ACSS1: variants seen among roughly 807,000 people sequenced by gnomAD.
ACSS1 encodes acyl-CoA synthetase short chain family member 1.
In ACSS1, 42 loss-of-function variants were observed where a neutral mutation model predicts 75.3. The observed-to-expected ratio is 0.56, with a 90% CI of 0.44 to 0.72. ACSS1 has a LOEUF of 0.72. Ranked by LOEUF, ACSS1 falls within the 30% of genes least tolerant of loss-of-function variation. The probability of loss-of-function intolerance (pLI) is 0.00; values close to 1 mark genes in which losing one functional copy is unlikely to be tolerated. For synonymous variants in ACSS1, 380 were observed against 376.8 expected (o/e 1.01, Z -0.10); for missense variants, 782 against 935.7 (o/e 0.84, Z 2.14).
At position 25,058,105 on chromosome 20, in the gene ACSS1, A is replaced by C. The variant is rs1295350648; in HGVS notation, c.-3T>G. The C allele has an allele frequency of 8.0e-7, 1 of 1,246,072 alleles. No individual in the cohort carries two copies. Among genetic ancestry groups the C allele is most frequent in the African/African-American group, 1.6e-5 (1 of 63,848 alleles). 77.2% of individuals were successfully genotyped at this position (1,246,072 alleles called of 1,614,324 possible). On this transcript the variant is annotated 5_prime_UTR_variant, in exon 1 of 14. Coordinates refer to ENST00000323482, the MANE Select transcript of ACSS1 (RefSeq NM_032501.4). ...CGGCCCAGGGTGCGCGCCGCCATCTAGGCAGGCTACCTGAGCTCTCTGTGC... is the reference window on the plus strand; with the variant it reads ...CGGCCCAGGGTGCGCGCCGCCATCTCGGCAGGCTACCTGAGCTCTCTGTGC...
chr20:25,012,372 T>A (rs2088424959), intron 12 of ACSS1: 1 of 582,052 alleles, frequency 1.7e-6, no homozygotes, highest in Non-Finnish European at 3.0e-6. Flanking sequence ...CCACTGTGGA[T>A]GTGTGTCCTG....
intron 1 of ACSS1, 109 bp from the exon 2 acceptor site, chr20:25,048,290 C>A: frequency 1.2e-6 from 1 of 833,508 alleles, no homozygotes; most frequent in South Asian, 1.6e-5. Context: ...CTCTCTTCTT[C>A]CACTGACAGA....
At chr20:25,010,461 C>A (rs542468059) in intron 12 of ACSS1, 1 of 152,416 alleles carries the variant, frequency 6.6e-6, no homozygotes, top group South Asian at 2.1e-4. Flanking sequence ...AAGCTATGAT[C>A]TGTAAAGACC....
rs1270157476 is a variant in ACSS1 at position 25,013,943 on chromosome 20, G to A, written c.1452+18C>T. ...AGGGCAAGCACATGACCCCCATGTG[G>A]GGGAGGCCCATACACACCTTCTCAT... On this transcript the variant is annotated intron_variant, in intron 9 of 13. Transcript: ENST00000323482. 5 of 1,606,410 alleles carry A rather than the reference G, an allele frequency of 3.1e-6. No individual in the cohort carries two copies. The African/African-American group carries it at 4.0e-5, about 13-fold the overall frequency.
rs186938653 is a variant in ACSS1, at chr20:25,019,346, T to A, written c.1246+664A>T. ...CCATCACATTTCCAAAATGTTTCCA[T>A]GTGATTTGGCAATATCCATCAACAT... On this transcript the variant is annotated intron_variant, in intron 7 of 13. Coordinates refer to ENST00000323482, the MANE Select transcript of ACSS1 (RefSeq NM_032501.4). 5.3e-5 allele frequency among the ~76,000 whole-genome samples: 8 copies of A among 152,334 alleles called. No individual in the cohort carries two copies. The East Asian group carries it at 7.7e-4, about 15-fold the overall frequency.
rs1284757958 is a variant in ACSS1, at chr20:25,007,433, G to A, written c.*329C>T. 6.8e-6 allele frequency: 8 copies of A among 1,170,800 alleles called. No individual in the cohort carries two copies. The highest frequency in any genetic ancestry group is 8.5e-6 in the Non-Finnish European group (8 of 944,848). 72.5% of individuals were successfully genotyped at this position (1,170,800 alleles called of 1,614,324 possible). A position where few individuals can be genotyped will look rare whatever the true frequency, so the allele number is the denominator to read the frequency against. ...AGCTCTGTGTTATCTGAGCAGGCGC[G>A]CTATCCCAGGGCCTCACCTTCCTGT... is the stretch of plus-strand genomic sequence containing the variant. On this transcript the variant is annotated 3_prime_UTR_variant, in exon 14 of 14. Coordinates refer to ENST00000323482, the MANE Select transcript of ACSS1 (RefSeq NM_032501.4).
intron 2 of ACSS1, among the ~76,000 whole-genome samples, chr20:25,041,050 A>G (rs1353849961): frequency 2.6e-5 from 4 of 152,158 alleles, no homozygotes. Flanking sequence ...CGAAGTCAGG[A>G]GATTGAGACC....
chr20:25,017,800 G>C (rs112342705), intron 7 of ACSS1, among the ~76,000 whole-genome samples: 1 of 152,182 alleles, frequency 6.6e-6, no homozygotes, highest in African/African-American at 2.4e-5. Context: ...ATTGGACCCC[G>C]TGAACCTTCC....
At chr20:25,018,815 G>A (rs565464810) in intron 7 of ACSS1, among the ~76,000 whole-genome samples, 2 of 152,300 alleles carry the variant, frequency 1.3e-5, no homozygotes, top group African/African-American at 4.8e-5. Flanking sequence ...AGGGAAAAGA[G>A]GAGGAGGAGT....
chr20:25,022,704 G>A (rs756245087), intron 5 of ACSS1, among the ~76,000 whole-genome samples: 2 of 152,248 alleles, frequency 1.3e-5, no homozygotes, highest in Non-Finnish European at 2.9e-5. Flanking sequence ...TCCTGCTGCC[G>A]CGTTACATGA....
intron 2 of ACSS1, among the ~76,000 whole-genome samples, chr20:25,040,847 C>G (rs2088989681): frequency 6.6e-6 from 1 of 152,162 alleles, no homozygotes; most frequent in Non-Finnish European, 1.5e-5. Flanking sequence ...CCCAGGCCAC[C>G]CTTAAAGTTC....
At chr20:25,035,441 T>C (rs2088894322) in intron 2 of ACSS1, among the ~76,000 whole-genome samples, 1 of 152,020 alleles carries the variant, frequency 6.6e-6, no homozygotes, top group South Asian at 2.1e-4. Context: ...AGTCTCACTC[T>C]GTCACCCAGA....
chr20:25,030,746 C>A lies in ACSS1; in HGVS notation c.631+13G>T, dbSNP rs376493741. Reference sequence around the variant, plus strand: ...ACTCCAGGGTTCCTCCCTCCCCATGCCCACCTCCTCACCATCATTGATCCT... The same window carrying A: ...ACTCCAGGGTTCCTCCCTCCCCATGACCACCTCCTCACCATCATTGATCCT... On this transcript the variant is annotated intron_variant, in intron 3 of 13. Coordinates refer to ENST00000323482, the MANE Select transcript of ACSS1 (RefSeq NM_032501.4). 2,139 of 1,613,494 alleles carry A rather than the reference C, an allele frequency of 1.3e-3. 3 individuals are homozygous for A. The highest frequency in any genetic ancestry group is 1.7e-3 in the Non-Finnish European group (2,050 of 1,179,822).
At chr20:25,046,811 C>T (rs541217699) in intron 2 of ACSS1, 28 of 779,660 alleles carry the variant, frequency 3.6e-5, no homozygotes, top group South Asian at 1.5e-4. Flanking sequence ...CAGTGGGGCC[C>T]GAGGATCCAG....
intron 2 of ACSS1, chr20:25,045,793 G>A (rs2089078794): frequency 6.6e-6 from 1 of 152,196 alleles, no homozygotes; most frequent in Non-Finnish European, 1.5e-5. Flanking sequence ...GGACAATGAG[G>A]AACTCACATC....
At position 25,007,400 on chromosome 20, in the gene ACSS1, A is replaced by G; in HGVS notation, c.*362T>C. ...ATCTGGAGAAAACACGGTTGCTACT[A>G]GCTAACTAGCTCTGTGTTATCTGAG... On this transcript the variant is annotated 3_prime_UTR_variant, in exon 14 of 14. Coordinates refer to ENST00000323482, the MANE Select transcript of ACSS1 (RefSeq NM_032501.4). 9.0e-7 allele frequency: 1 copy of G among 1,115,238 alleles called. No individual in the cohort carries two copies. The highest frequency in any genetic ancestry group is 1.1e-6 in the Non-Finnish European group (1 of 911,608). The allele number at this position is 1,115,238 out of a possible 1,614,324, so 69.1% of individuals were successfully genotyped here. A position where few individuals can be genotyped will look rare whatever the true frequency, so the allele number is the denominator to read the frequency against.
At chr20:25,021,286 A>G in intron 6 of ACSS1, 103 bp downstream of exon 6, 1 of 1,444,766 alleles carries the variant, frequency 6.9e-7, no homozygotes, top group East Asian at 2.4e-5. Flanking sequence ...CCCTCACCAG[A>G]ACCCAGGCGT....
At chr20:25,056,334 G>A (rs988562508) in intron 1 of ACSS1, among the ~76,000 whole-genome samples, 2 of 152,118 alleles carry the variant, frequency 1.3e-5, no homozygotes, top group Non-Finnish European at 2.9e-5. Flanking sequence ...GCAAACCAAA[G>A]GGTTTGGTTT....
chr20:25,052,461 C>T (rs1222681773), intron 1 of ACSS1, among the ~76,000 whole-genome samples: 2 of 152,224 alleles, frequency 1.3e-5, no homozygotes, highest in African/African-American at 4.8e-5. Flanking sequence ...CCTGGTGGTC[C>T]CCATTACAGG....
Sources: gnomAD v4.1 joint callset for allele counts (sites outside exome capture counted in the v4.1 genomes callset) on GRCh38, gnomAD v4.1.1 for gene constraint, MANE v1.5 for transcripts, NCBI Gene and HGNC (gene_info 2026-07-23, HGNC 2026-07-21) for gene names.